The following ZYG11A variants were observed in gnomAD, a reference collection of about 807,000 sequenced individuals.
The protein encoded by ZYG11A is protein zyg-11 homolog A.
A neutral mutation model predicts 77.2 loss-of-function variants in ZYG11A; 62 were observed. The ratio of observed to expected loss-of-function variants is 0.80; its 90% CI spans 0.65 to 0.99. ZYG11A has a LOEUF of 0.99. Among genes scored for constraint, ZYG11A ranks in the 50% least tolerant of loss-of-function variants. The pLI is 0.00. For missense variants in ZYG11A, 828 were observed against 896.8 expected (o/e 0.92, Z 0.98); for synonymous variants, 315 against 324.6 (o/e 0.97, Z 0.32).
At position 52,892,863 on chromosome 1, in the gene ZYG11A, C is replaced by T. The variant is rs1409027309; in HGVS notation, c.2186C>T (p.Pro729Leu). 3 of 1,551,660 alleles carry T rather than the reference C, an allele frequency of 1.9e-6. No homozygotes were observed. The South Asian group carries it at 3.6e-5, about 18-fold the overall frequency. The part of the protein sequence containing the change: ...CDIQEHSEAT[P>L]KAQQIAASIL... The stretch of plus-strand genomic sequence containing the variant: ...ATCCAGGAGCACAGTGAGGCAACCC[C>T]CAAAGCACAGCAGATTGCAGCCTCC... The change falls in exon 14 of 14, where the codon CCC becomes CTC. Residue 729 changes from proline to leucine, a missense_variant. Coordinates refer to ENST00000371528, the MANE Select transcript of ZYG11A (RefSeq NM_001004339.3).
At chr1:52,884,644 A>G (rs546563490) in intron 11 of ZYG11A, among the ~76,000 whole-genome samples, 1 of 152,252 alleles carries the variant, frequency 6.6e-6, no homozygotes, top group East Asian at 1.9e-4. Context: ...ACAAGAGTGA[A>G]AATTCATATT....
rs557906050 is a variant in ZYG11A at position 52,868,900 on chromosome 1, A to G, written c.1542+1123A>G. ...GCTCATGCTAGCGTGCAATGGTGCA[A>G]TCTCGGCTCACTGTAATCTCTGCTT... On this transcript the variant is annotated intron_variant, in intron 8 of 13. Coordinates refer to ENST00000371528, the MANE Select transcript of ZYG11A (RefSeq NM_001004339.3). Among the ~76,000 whole-genome samples the G allele has an allele frequency of 7.2e-5, 11 of 151,942 alleles. No individual in the cohort carries two copies. The South Asian group carries it at 1.9e-3, about 26-fold the overall frequency.
Position 52,868,204 on chromosome 1 carries a change from T to G in ZYG11A, c.1542+427T>G, listed in dbSNP as rs1646065898. On this transcript the variant is annotated intron_variant, in intron 8 of 13. Coordinates refer to ENST00000371528, the MANE Select transcript of ZYG11A (RefSeq NM_001004339.3). ...TGGTCTCGAACTCCTGACCTCGTGA[T>G]CTGCGTGCCTCGGCATCCCAAAGTG... is the stretch of plus-strand genomic sequence containing the variant. 2.0e-5 allele frequency among the ~76,000 whole-genome samples: 3 copies of G among 151,870 alleles called. No homozygotes were observed. In the South Asian group the frequency reaches 6.2e-4, roughly 32 times the overall value.
intron 1 of ZYG11A, among the ~76,000 whole-genome samples, chr1:52,847,201 G>A (rs1645605753): frequency 6.6e-6 from 1 of 152,062 alleles, no homozygotes; most frequent in South Asian, 2.1e-4. Context: ...TGAATAGCTG[G>A]GATTATAGGT....
intron 8 of ZYG11A, among the ~76,000 whole-genome samples, chr1:52,868,429 T>A (rs1285360588): frequency 6.6e-6 from 1 of 152,208 alleles, no homozygotes; most frequent in Non-Finnish European, 1.5e-5. Context: ...ATCATGATTT[T>A]AAATAAATCA....
intron 1 of ZYG11A, 144 bp downstream of exon 1, chr1:52,843,117 T>A: frequency 1.6e-6 from 1 of 631,688 alleles, no homozygotes; most frequent in Non-Finnish European, 2.4e-6. Context: ...CCGAGCCCCT[T>A]CCAGGCGCAG....
intron 1 of ZYG11A, among the ~76,000 whole-genome samples, chr1:52,851,914 ATT>A (rs143301493): frequency 0.015 from 1,890 of 126,504 alleles, 57 homozygotes; most frequent in African/African-American, 0.054. Context: ...TGCCTTCCTA[ATT>A]TTTTTTTTTT....
intron 8 of ZYG11A, among the ~76,000 whole-genome samples, chr1:52,870,685 C>T (rs570980041): frequency 1.3e-5 from 2 of 152,324 alleles, no homozygotes; most frequent in African/African-American, 4.8e-5. Context: ...ACAGTGAAAC[C>T]CCGTCTCCAC....
intron 5 of ZYG11A, among the ~76,000 whole-genome samples, chr1:52,864,542 T>C (rs1041649456): frequency 8.5e-5 from 13 of 152,110 alleles, no homozygotes; most frequent in Admixed American, 7.9e-4. Context: ...ATGTGAAAAA[T>C]AGATATTATT....
chr1:52,852,264 G>T (rs1645727644), intron 1 of ZYG11A, among the ~76,000 whole-genome samples: 1 of 151,894 alleles, frequency 6.6e-6, no homozygotes, highest in African/African-American at 2.4e-5. Flanking sequence ...GGCCAGGCTG[G>T]TCTCGAACTC....
At chr1:52,884,663 AAAAATT>A (rs1207911007) in intron 11 of ZYG11A, among the ~76,000 whole-genome samples, 10 of 152,138 alleles carry the variant, frequency 6.6e-5, no homozygotes, top group African/African-American at 2.4e-4. Flanking sequence ...TTCAGAAAAA[AAAAATT>A]ATAAGCTTAA....
intron 1 of ZYG11A, among the ~76,000 whole-genome samples, chr1:52,850,026 A>T (rs551426555): frequency 6.6e-6 from 1 of 152,280 alleles, no homozygotes; most frequent in South Asian, 2.1e-4. Context: ...TTGGTTAAGA[A>T]GTGCCTTAAT....
intron 10 of ZYG11A, 125 bp downstream of exon 10, chr1:52,878,094 C>A: frequency 1.3e-6 from 1 of 779,320 alleles, no homozygotes; most frequent in Non-Finnish European, 2.1e-6. Flanking sequence ...TTAATCTTTA[C>A]ATTAGCCCTA....
chr1:52,892,483 G>A (rs1388956363), intron 13 of ZYG11A, among the ~76,000 whole-genome samples: 2 of 151,228 alleles, frequency 1.3e-5, no homozygotes, highest in Non-Finnish European at 2.9e-5. Context: ...AACCGAGATT[G>A]CGCCACTGCA....
intron 1 of ZYG11A, among the ~76,000 whole-genome samples, chr1:52,850,706 G>A (rs1213875749): frequency 6.6e-6 from 1 of 151,998 alleles, no homozygotes; most frequent in Non-Finnish European, 1.5e-5. Context: ...TGCCCGCCTC[G>A]GCCTCCAAAA....
Position 52,880,066 on chromosome 1 carries a change from CT to C in ZYG11A, c.1750-1384del, listed in dbSNP as rs10682296. Among the ~76,000 whole-genome samples the C allele has an allele frequency of 9.6e-3, 1,057 of 110,098 alleles. 9 individuals are homozygous for C. The highest frequency in any genetic ancestry group is 0.032 in the African/African-American group (864 of 27,070). 72.2% of individuals were successfully genotyped at this position (110,098 alleles called of 152,430 possible). A position where few individuals can be genotyped will look rare whatever the true frequency, so the allele number is the denominator to read the frequency against. ...GGCATGAGCTACCGCACCCAGCCCA[CT>C]TTTTTTTTTTTTTTTTTTTTGAGAG... On this transcript the variant is annotated intron_variant, in intron 10 of 13. Transcript: ENST00000371528.
chr1:52,851,374 T>C (rs974312135), intron 1 of ZYG11A, among the ~76,000 whole-genome samples: 5 of 152,128 alleles, frequency 3.3e-5, no homozygotes, highest in Non-Finnish European at 7.3e-5. Context: ...TGCATATGTA[T>C]GTAACCATTA....
chr1:52,870,546 G>A (rs544025615), intron 8 of ZYG11A, among the ~76,000 whole-genome samples: 2 of 152,290 alleles, frequency 1.3e-5, no homozygotes, highest in South Asian at 2.1e-4. Flanking sequence ...CCGAGATCAC[G>A]CCACTGCACC....
intron 3 of ZYG11A, among the ~76,000 whole-genome samples, chr1:52,860,188 A>G (rs1005004341): frequency 2.6e-5 from 4 of 152,002 alleles, no homozygotes; most frequent in Admixed American, 6.6e-5. Flanking sequence ...TTTGAGGAAA[A>G]TTGCCGTTTA....
Sources: gnomAD v4.1 joint callset for allele counts (sites outside exome capture counted in the v4.1 genomes callset) on GRCh38, gnomAD v4.1.1 for gene constraint, MANE v1.5 for transcripts, NCBI Gene and HGNC (gene_info 2026-07-23, HGNC 2026-07-21) for gene names.